FAM171A1: variants seen among roughly 807,000 people sequenced by gnomAD.
FAM171A1 encodes the protein protein FAM171A1.
FAM171A1 carries 23 observed loss-of-function variants against 74.9 expected under a neutral mutation model. That is an observed-to-expected ratio of 0.31 (90% CI 0.22 to 0.44). FAM171A1 has a LOEUF of 0.44. Ranked by LOEUF, FAM171A1 falls within the 20% of genes least tolerant of loss-of-function variation. The pLI is 1.00. For missense variants in FAM171A1, 1,162 were observed against 1,159.2 expected (o/e 1.00, Z -0.03); for synonymous variants, 527 against 505.7 (o/e 1.04, Z -0.57).
intron 3 of FAM171A1, 121 bp from the exon 4 acceptor site, chr10:15,255,000 A>G: frequency 7.7e-6 from 6 of 784,198 alleles, no homozygotes; most frequent in Non-Finnish European, 1.0e-5. Context: ...TCCCTCTCAC[A>G]AGGCCTCCCT....
intron 5 of FAM171A1, among the ~76,000 whole-genome samples, chr10:15,227,455 T>C (rs1181856128): frequency 6.6e-6 from 1 of 152,314 alleles, no homozygotes; most frequent in East Asian, 1.9e-4. Context: ...CAATCATGGC[T>C]CACTGTAGCC....
At chr10:15,341,289 T>C (rs899458018) in intron 1 of FAM171A1, among the ~76,000 whole-genome samples, 2 of 152,222 alleles carry the variant, frequency 1.3e-5, no homozygotes, top group African/African-American at 4.8e-5. Flanking sequence ...AAGTCATATT[T>C]GAGAACTGCT....
intron 1 of FAM171A1, among the ~76,000 whole-genome samples, chr10:15,315,902 G>A (rs1835416363): frequency 6.6e-6 from 1 of 152,052 alleles, no homozygotes; most frequent in Non-Finnish European, 1.5e-5. Flanking sequence ...GAAACAGAAA[G>A]AAAAATATAA....
At chr10:15,296,300 T>C (rs1156594653) in intron 1 of FAM171A1, among the ~76,000 whole-genome samples, 1 of 152,102 alleles carries the variant, frequency 6.6e-6, no homozygotes, top group Admixed American at 6.5e-5. Context: ...TATATTTATA[T>C]ATTTTAAAGT....
At chr10:15,327,226 A>T (rs1431253572) in intron 1 of FAM171A1, among the ~76,000 whole-genome samples, 2 of 152,306 alleles carry the variant, frequency 1.3e-5, no homozygotes, top group South Asian at 2.1e-4. Flanking sequence ...GAGCAAGAGC[A>T]AGCTGCCTAC....
intron 2 of FAM171A1, among the ~76,000 whole-genome samples, chr10:15,278,008 G>A (rs779113234): frequency 3.9e-5 from 6 of 152,060 alleles, no homozygotes; most frequent in South Asian, 2.1e-4. Flanking sequence ...TGCCCTCCTC[G>A]GCCTCCCAAA....
At chr10:15,260,831 TG>T (rs2131776410) in intron 3 of FAM171A1, among the ~76,000 whole-genome samples, 1 of 152,264 alleles carries the variant, frequency 6.6e-6, no homozygotes, top group African/African-American at 2.4e-5. Flanking sequence ...ACTAGATGTC[TG>T]TAGCAGCCCC....
intron 1 of FAM171A1, among the ~76,000 whole-genome samples, chr10:15,293,758 G>A (rs921242359): frequency 6.6e-6 from 1 of 152,212 alleles, no homozygotes; most frequent in African/African-American, 2.4e-5. Context: ...AACTGGCCCT[G>A]ATTGTGGTTT....
At chr10:15,217,751 C>T (rs2131707199) in intron 6 of FAM171A1, among the ~76,000 whole-genome samples, 1 of 151,926 alleles carries the variant, frequency 6.6e-6, no homozygotes, top group Admixed American at 6.6e-5. Context: ...GATTCTCCTG[C>T]CTCAGCCTCC....
At chr10:15,292,787 C>A (rs1398184535) in intron 1 of FAM171A1, among the ~76,000 whole-genome samples, 2 of 152,234 alleles carry the variant, frequency 1.3e-5, no homozygotes, top group East Asian at 3.9e-4. Flanking sequence ...CACCGACCAC[C>A]ATAAATATTC....
intron 1 of FAM171A1, among the ~76,000 whole-genome samples, chr10:15,301,605 G>C (rs1379275445): frequency 2.0e-5 from 3 of 152,126 alleles, no homozygotes; most frequent in Admixed American, 6.5e-5. Context: ...AAAAGATAAG[G>C]GTCCCTGAAG....
chr10:15,218,648 G>A (rs768026661), intron 6 of FAM171A1, among the ~76,000 whole-genome samples: 4 of 152,110 alleles, frequency 2.6e-5, no homozygotes, highest in Non-Finnish European at 4.4e-5. Flanking sequence ...ACGCTGGAGT[G>A]CAGTGACATG....
chr10:15,351,592 G>GATGC (rs545881071), intron 1 of FAM171A1, among the ~76,000 whole-genome samples: 581 of 54,560 alleles, frequency 0.011, 2 homozygotes, highest in African/African-American at 0.035. Flanking sequence ...TGGATGGATG[G>GATGC]ATGCATGGAT....
rs769143641 is a variant in FAM171A1 at position 15,214,000 on chromosome 10, G to C, written c.1588C>G (p.Gln530Glu). The C allele has an allele frequency of 9.3e-6, 15 of 1,614,082 alleles. No homozygotes were observed. The highest frequency in any genetic ancestry group is 1.6e-4 in the Middle Eastern group (1 of 6,084). Residue 530 changes from glutamine to glutamate, a missense_variant, in exon 8 of 8, where the codon CAG becomes GAG. Coordinates refer to ENST00000378116, the MANE Select transcript of FAM171A1 (RefSeq NM_001010924.2). This position sits in a 1 kb window ranked among gnomAD's most constrained non-coding sequence, Gnocchi z 6.8. ...TCAGTGGGTCTGCGGTCCAGCAGCT[G>C]TTCTTTCTCAGGTGATGAAGGCGCG... ...YPAPSSPEKE[Q>E]LLDRRPTECM...
chr10:15,313,007 A>T (rs1835382436), intron 1 of FAM171A1, among the ~76,000 whole-genome samples: 1 of 151,796 alleles, frequency 6.6e-6, no homozygotes. Context: ...GCACTTTTTT[A>T]TTCTCTACTT....
intron 1 of FAM171A1, among the ~76,000 whole-genome samples, chr10:15,284,322 A>C (rs1835009445): frequency 6.6e-6 from 1 of 152,148 alleles, no homozygotes; most frequent in Non-Finnish European, 1.5e-5. Flanking sequence ...GCCTGACCCA[A>C]ACTGCTTTCT....
chr10:15,360,592 T>C (rs925563741), intron 1 of FAM171A1, among the ~76,000 whole-genome samples: 12 of 152,188 alleles, frequency 7.9e-5, no homozygotes, highest in African/African-American at 2.9e-4. Flanking sequence ...GTCACAGGGA[T>C]GGGTGGGCAC....
chr10:15,327,747 A>G (rs1246748290), intron 1 of FAM171A1, among the ~76,000 whole-genome samples: 3 of 152,182 alleles, frequency 2.0e-5, no homozygotes, highest in Admixed American at 2.0e-4. Flanking sequence ...AAAGAAGGAA[A>G]TAACAGACAC....
chr10:15,358,820 T>A (rs943986907), intron 1 of FAM171A1, among the ~76,000 whole-genome samples: 1 of 152,242 alleles, frequency 6.6e-6, no homozygotes, highest in Non-Finnish European at 1.5e-5. Context: ...AAGCCCCTTA[T>A]TTACATTGGT....
Sources: allele counts gnomAD v4.1 joint callset (sites outside exome capture counted in the v4.1 genomes callset), GRCh38; gene constraint gnomAD v4.1.1; non-coding constraint Gnocchi (gnomAD v3.1); transcripts MANE v1.5; gene names NCBI Gene and HGNC (gene_info 2026-07-23, HGNC 2026-07-21).